Variants in STAU2 observed in about 807,000 individuals in gnomAD.
STAU2 encodes the protein staufen double-stranded RNA binding protein 2.
In STAU2, 20 loss-of-function variants were observed where a neutral mutation model predicts 65.9. The ratio of observed to expected loss-of-function variants is 0.30; its 90% CI spans 0.21 to 0.44. The LOEUF (loss-of-function observed/expected upper bound fraction) is 0.44. Among genes scored for constraint, STAU2 ranks in the 20% least tolerant of loss-of-function variants. STAU2 has a pLI of 1.00. For synonymous variants in STAU2, 232 were observed against 233.9 expected (o/e 0.99, Z 0.07); for missense variants, 558 against 683.9 (o/e 0.82, Z 2.05).
intron 13 of STAU2, among the ~76,000 whole-genome samples, chr8:73,528,409 A>G (rs1805585990): frequency 6.6e-6 from 1 of 152,198 alleles, no homozygotes; most frequent in Non-Finnish European, 1.5e-5. Context: ...ACAACTAACC[A>G]TTATTAAAGC....
chr8:73,500,346 C>G (rs1821674358), intron 13 of STAU2, among the ~76,000 whole-genome samples: 1 of 151,922 alleles, frequency 6.6e-6, no homozygotes, highest in Non-Finnish European at 1.5e-5. Flanking sequence ...ATTCAACATA[C>G]TACTTGGCAC....
intron 10 of STAU2, among the ~76,000 whole-genome samples, chr8:73,597,780 T>C (rs571003121): frequency 6.6e-6 from 1 of 151,388 alleles, no homozygotes; most frequent in Non-Finnish European, 1.5e-5. Context: ...GATTACCAAA[T>C]TGCCACAGAA....
chr8:73,480,746 T>C (rs1017285949), intron 13 of STAU2, among the ~76,000 whole-genome samples: 5 of 152,100 alleles, frequency 3.3e-5, no homozygotes, highest in East Asian at 1.9e-4. Flanking sequence ...ACACGAAATA[T>C]GTAGGAACCA....
At position 73,502,649 on chromosome 8, in the gene STAU2, G is replaced by A. The variant is rs7830097; in HGVS notation, c.1530+49363C>T. 4.1e-3 allele frequency among the ~76,000 whole-genome samples: 621 copies of A among 152,066 alleles called. 4 individuals are homozygous for A. Among genetic ancestry groups the A allele is most frequent in the African/African-American group, 0.014 (579 of 41,518 alleles). Reference sequence around the variant, plus strand: ...AGGGAGCTCTGGTTCATCCTTCAAAGGTCACCTTCTGCATAAAATTCTCTT... The same window carrying A: ...AGGGAGCTCTGGTTCATCCTTCAAAAGTCACCTTCTGCATAAAATTCTCTT... On this transcript the variant is annotated intron_variant, in intron 13 of 14. Coordinates refer to ENST00000524300, the MANE Select transcript of STAU2 (RefSeq NM_001164380.2).
intron 13 of STAU2, among the ~76,000 whole-genome samples, chr8:73,507,083 G>A (rs1392043072): frequency 6.6e-6 from 1 of 152,136 alleles, no homozygotes; most frequent in African/African-American, 2.4e-5. Flanking sequence ...CATGAGGGTT[G>A]GAATCAACTT....
chr8:73,738,268 C>G lies in STAU2; in HGVS notation c.-18+16G>C, dbSNP rs199892911. ...AGCACCATGTAAGCATGAAAAATGC[C>G]TTAACACAAACTCACCTGATTTATT... On this transcript the variant is annotated intron_variant, in intron 3 of 14. Coordinates refer to ENST00000524300, the MANE Select transcript of STAU2 (RefSeq NM_001164380.2). 215 of 1,609,884 alleles carry G rather than the reference C, an allele frequency of 1.3e-4. 1 individual carries two copies. The African/African-American group carries it at 2.6e-3, about 20-fold the overall frequency.
At chr8:73,470,533 C>T (rs1282391857) in intron 13 of STAU2, among the ~76,000 whole-genome samples, 1 of 152,192 alleles carries the variant, frequency 6.6e-6, no homozygotes, top group Non-Finnish European at 1.5e-5. Context: ...CGCAGCAGCT[C>T]TCGCCTGTAA....
chr8:73,426,418 T>C (rs1232595445), intron 13 of STAU2, among the ~76,000 whole-genome samples: 1 of 152,200 alleles, frequency 6.6e-6, no homozygotes, highest in Non-Finnish European at 1.5e-5. Context: ...TCCTCATATC[T>C]AGCTATAATT....
chr8:73,505,464 A>T (rs907331722), intron 13 of STAU2, among the ~76,000 whole-genome samples: 1 of 152,084 alleles, frequency 6.6e-6, no homozygotes, highest in Admixed American at 6.6e-5. Flanking sequence ...ACGGAGTACC[A>T]CAGCTCAAGT....
At chr8:73,672,057 T>TA (rs1433533223) in intron 6 of STAU2, 1 of 152,022 alleles carries the variant, frequency 6.6e-6, no homozygotes, top group African/African-American at 2.4e-5. Flanking sequence ...AAAAAATTCT[T>TA]AAATATATGA....
intron 9 of STAU2, among the ~76,000 whole-genome samples, chr8:73,605,878 T>TACAC (rs58486426): frequency 1.6e-4 from 19 of 117,836 alleles, no homozygotes; most frequent in African/African-American, 4.5e-4. Context: ...CACACACACA[T>TACAC]ACACACACAC....
intron 13 of STAU2, among the ~76,000 whole-genome samples, chr8:73,544,374 ATCTT>A (rs1278583406): frequency 1.3e-5 from 2 of 152,214 alleles, no homozygotes; most frequent in Non-Finnish European, 2.9e-5. Context: ...TGACAGAATT[ATCTT>A]TCTGTTAACC....
At chr8:73,743,475 T>A (rs1807032397) in intron 1 of STAU2, among the ~76,000 whole-genome samples, 1 of 145,728 alleles carries the variant, frequency 6.9e-6, no homozygotes, top group African/African-American at 2.5e-5. Context: ...AATTTTTTTT[T>A]TTTTTTTTTT....
At chr8:73,697,221 T>C (rs1056935039) in intron 4 of STAU2, 5 of 152,080 alleles carry the variant, frequency 3.3e-5, no homozygotes, top group Admixed American at 6.6e-5. Context: ...ACCCAGCTAA[T>C]TGGCAGCAGA....
At chr8:73,568,071 C>A (rs1454149086) in intron 12 of STAU2, among the ~76,000 whole-genome samples, 1 of 152,150 alleles carries the variant, frequency 6.6e-6, no homozygotes, top group African/African-American at 2.4e-5. Context: ...CCTTCCTGAA[C>A]CTTAATAGTT....
intron 13 of STAU2, among the ~76,000 whole-genome samples, chr8:73,508,895 T>C (rs1358195165): frequency 6.6e-6 from 1 of 152,236 alleles, no homozygotes; most frequent in Non-Finnish European, 1.5e-5. Flanking sequence ...TGGTTACCCA[T>C]TAACCAGTTG....
intron 13 of STAU2, among the ~76,000 whole-genome samples, chr8:73,460,165 T>C (rs1819277675): frequency 1.3e-5 from 2 of 152,200 alleles, no homozygotes; most frequent in Admixed American, 6.5e-5. Context: ...ACCTGACAAG[T>C]TATGTTTCTG....
At chr8:73,523,416 T>A (rs1823168255) in intron 13 of STAU2, among the ~76,000 whole-genome samples, 4 of 152,040 alleles carry the variant, frequency 2.6e-5, no homozygotes, top group Admixed American at 2.6e-4. Context: ...TCTGGCTGTT[T>A]TTTTAACATT....
chr8:73,693,028 G>T (rs1819445137), intron 4 of STAU2, among the ~76,000 whole-genome samples: 1 of 151,986 alleles, frequency 6.6e-6, no homozygotes, highest in South Asian at 2.1e-4. Context: ...AGGCATGGTG[G>T]TGCGCACCTA....
Sources: allele counts gnomAD v4.1 joint callset (sites outside exome capture counted in the v4.1 genomes callset), GRCh38; gene constraint gnomAD v4.1.1; transcripts MANE v1.5; gene names NCBI Gene and HGNC (gene_info 2026-07-23, HGNC 2026-07-21).